Variants in GPATCH8 observed in about 807,000 individuals in gnomAD.
GPATCH8 encodes G-patch domain containing 8, also known as G patch domain-containing protein 8.
A neutral mutation model predicts 118.3 loss-of-function variants in GPATCH8; 18 were observed. The ratio of observed to expected loss-of-function variants is 0.15; its 90% CI spans 0.11 to 0.23. The LOEUF (loss-of-function observed/expected upper bound fraction) is 0.23. GPATCH8 is among the 10% of genes least tolerant of loss of function. The probability of loss-of-function intolerance (pLI) is 1.00; values close to 1 mark genes in which losing one functional copy is unlikely to be tolerated. For missense variants in GPATCH8, 1,631 were observed against 1,873.8 expected, an observed-to-expected ratio of 0.87 and a Z score of 2.39; for synonymous variants, 659 against 684.7, an observed-to-expected ratio of 0.96 and a Z score of 0.59.
At chr17:44,452,290 G>GAAAAAAAAAAAAA (rs781273009) in intron 3 of GPATCH8, among the ~76,000 whole-genome samples, 1 of 107,242 alleles carries the variant, frequency 9.3e-6, no homozygotes, top group Non-Finnish European at 2.0e-5. Flanking sequence ...AAAAAAAAAA[G>GAAAAAAAAAAAAA]AAAAAAAAAA....
intron 6 of GPATCH8, among the ~76,000 whole-genome samples, chr17:44,408,555 C>T (rs2049316538): frequency 6.6e-6 from 1 of 152,182 alleles, no homozygotes; most frequent in Non-Finnish European, 1.5e-5. Flanking sequence ...GCCATTTCCT[C>T]CCCTCTTACA....
chr17:44,441,517 A>G (rs2050687372), intron 3 of GPATCH8, among the ~76,000 whole-genome samples: 1 of 151,946 alleles, frequency 6.6e-6, no homozygotes, highest in African/African-American at 2.4e-5. Flanking sequence ...TGAGGTCAGG[A>G]GTTCGAGACC....
chr17:44,490,488 T>C (rs1969159909), intron 1 of GPATCH8, among the ~76,000 whole-genome samples: 1 of 152,046 alleles, frequency 6.6e-6, no homozygotes, highest in Admixed American at 6.6e-5. Context: ...AAAAATAAAA[T>C]TTAAATTTAA....
chr17:44,474,419 TA>T (rs1275086224), intron 2 of GPATCH8: 35 of 259,768 alleles, frequency 1.3e-4, no homozygotes, highest in Middle Eastern at 1.5e-3. Context: ...ATATAACATT[TA>T]AAAAAAAATT....
intron 3 of GPATCH8, chr17:44,436,786 T>A: frequency 1.8e-6 from 1 of 557,284 alleles, no homozygotes; most frequent in South Asian, 2.0e-5. Context: ...ATGGCAAAAT[T>A]ACATTAATAA....
In GPATCH8 at chr17:44,448,852, T is replaced by C. The variant is rs1210104969; in HGVS notation, c.194-12307A>G. On this transcript the variant is annotated intron_variant, in intron 3 of 7. Transcript: ENST00000591680. ...TTTGGATAAATTTAAAAAAAAAAAC[T>C]GTCCACCCTATTTACTATAATGAAG... is the stretch of plus-strand genomic sequence containing the variant. Among the ~76,000 whole-genome samples the C allele has an allele frequency of 4.0e-5, 6 of 151,624 alleles. No homozygotes were observed. In the East Asian group the frequency reaches 7.7e-4, roughly 20 times the overall value.
Position 44,400,028 on chromosome 17 carries a change from T to C in GPATCH8, c.2049A>G (p.Lys683=). 6.2e-7 allele frequency: 1 copy of C among 1,614,048 alleles called. No individual in the cohort carries two copies. Residue 683 remains lysine (K), a synonymous_variant, in exon 8 of 8, where the codon AAA becomes AAG. Coordinates refer to ENST00000591680, the MANE Select transcript of GPATCH8 (RefSeq NM_001002909.4). The part of the protein sequence containing the change: ...HRHKKKKKHK[K]SSKHKRKHKA... ...TGTGTTTACGTTTGTGTTTGCTGGA[T>C]TTTTTGTGCTTCTTTTTCTTTTTGT...
chr17:44,493,978 T>C (rs554731611), intron 1 of GPATCH8, among the ~76,000 whole-genome samples: 27 of 152,352 alleles, frequency 1.8e-4, no homozygotes, highest in African/African-American at 5.8e-4. Context: ...CTTTGTAACA[T>C]CCTGGTGCCT....
Position 44,398,771 on chromosome 17 carries a change from C to T in GPATCH8, c.3306G>A (p.Val1102=), listed in dbSNP as rs761227461. 5 of 1,613,750 alleles carry T rather than the reference C, an allele frequency of 3.1e-6. No homozygotes were observed. The highest frequency in any genetic ancestry group is 3.4e-6 in the Non-Finnish European group (4 of 1,179,788). ...CCTCACTCACACTAGGTTTCCTCTC[C>T]ACTTTCCTTGACTGGATCTTCTCCA... The part of the protein sequence containing the change: ...LLLEKIQSRK[V]ERKPSVSEEV... Residue 1102 remains valine (V), a synonymous_variant, in exon 8 of 8, where the codon GTG becomes GTA. Coordinates refer to ENST00000591680, the MANE Select transcript of GPATCH8 (RefSeq NM_001002909.4).
Position 44,400,488 on chromosome 17 carries a change from G to A in GPATCH8, c.1589C>T (p.Pro530Leu). The A allele has an allele frequency of 6.2e-7, 1 of 1,614,134 alleles. No individual in the cohort carries two copies. Among genetic ancestry groups the A allele is most frequent in the Non-Finnish European group, 8.5e-7 (1 of 1,179,974 alleles). ...GAAGAAGGGACCAGTAGGATGTTTGGGTCCTTCTTGGCTTTCTTTCCCTGC... is the reference window on the plus strand; with the variant it reads ...GAAGAAGGGACCAGTAGGATGTTTGAGTCCTTCTTGGCTTTCTTTCCCTGC... ...TPAGKESQEG[P>L]KHPTGPFFPV... Residue 530 changes from proline to leucine, a missense_variant, in exon 8 of 8, where the codon CCC becomes CTC. Around this residue, in one of 8 missense-constraint regions of GPATCH8, gnomAD observed 405 missense variants for 462.7 expected, o/e 0.88. Transcript: ENST00000591680.
At chr17:44,484,696 C>T (rs1454102757) in intron 1 of GPATCH8, among the ~76,000 whole-genome samples, 2 of 152,176 alleles carry the variant, frequency 1.3e-5, no homozygotes, top group Non-Finnish European at 2.9e-5. Context: ...TGTCATGTCA[C>T]TTTAGGCTTC....
intron 6 of GPATCH8, among the ~76,000 whole-genome samples, chr17:44,415,278 GT>G (rs1314235626): frequency 1.3e-5 from 2 of 152,158 alleles, no homozygotes; most frequent in Non-Finnish European, 2.9e-5. Flanking sequence ...AAATTTTGTG[GT>G]TTTGTAGATA....
rs991099319 is a variant in GPATCH8 at position 44,445,513 on chromosome 17, T to C, written c.194-8968A>G. 3.3e-5 allele frequency among the ~76,000 whole-genome samples: 5 copies of C among 151,692 alleles called. No homozygotes were observed. The South Asian group carries it at 1.0e-3, about 32-fold the overall frequency. ...GAGTATTTCTTTTTCTTTTTTTTTT[T>C]TCCCCCCCTAAGATGGAGTTTCACT... On this transcript the variant is annotated intron_variant, in intron 3 of 7. Transcript: ENST00000591680.
At chr17:44,470,039 A>G (rs1338968581) in intron 2 of GPATCH8, among the ~76,000 whole-genome samples, 1 of 152,260 alleles carries the variant, frequency 6.6e-6, no homozygotes. Flanking sequence ...TAAACCTATT[A>G]GGTCATCCTG....
At chr17:44,474,077 T>C (rs1967533522) in intron 2 of GPATCH8, among the ~76,000 whole-genome samples, 1 of 152,214 alleles carries the variant, frequency 6.6e-6, no homozygotes, top group East Asian at 1.9e-4. Flanking sequence ...GAAATCCTTA[T>C]TAAATATGTA....
chr17:44,443,692 A>G (rs2050778597), intron 3 of GPATCH8, among the ~76,000 whole-genome samples: 1 of 152,180 alleles, frequency 6.6e-6, no homozygotes, highest in Non-Finnish European at 1.5e-5. Context: ...ATTTTTTAAA[A>G]CAGGGTCTCA....
intron 1 of GPATCH8, among the ~76,000 whole-genome samples, chr17:44,477,688 G>A (rs924463565): frequency 1.3e-5 from 2 of 151,472 alleles, no homozygotes; most frequent in African/African-American, 2.4e-5. Context: ...GGGACAGGAG[G>A]AGTATGTTTT....
intron 1 of GPATCH8, among the ~76,000 whole-genome samples, chr17:44,479,475 AC>A (rs1968038961): frequency 6.6e-6 from 1 of 152,224 alleles, no homozygotes; most frequent in African/African-American, 2.4e-5. Flanking sequence ...CGGTGCTAGA[AC>A]TAGGTGTCCA....
At position 44,397,907 on chromosome 17, in the gene GPATCH8, GGCGGCAGCAGCT is replaced by G. The variant is rs772036285; in HGVS notation, c.4158_4169del (p.Ala1387_Ala1390del). ...GATGGGGGTGAGGGTGAATGCCGATGGCGGCAGCAGCTGCGGCAGCATGATGTTGTAGGATGG... is the reference window on the plus strand; with the variant it reads ...GATGGGGGTGAGGGTGAATGCCGATGGCGGCAGCATGATGTTGTAGGATGG... On this transcript the variant is annotated inframe_deletion, in exon 8 of 8. Coordinates refer to ENST00000591680, the MANE Select transcript of GPATCH8 (RefSeq NM_001002909.4). 55 of 1,611,942 alleles carry G rather than the reference GGCGGCAGCAGCT, an allele frequency of 3.4e-5. No individual in the cohort carries two copies. The highest frequency in any genetic ancestry group is 4.7e-5 in the Non-Finnish European group (55 of 1,178,244).
Sources: gnomAD v4.1 joint callset for allele counts (sites outside exome capture counted in the v4.1 genomes callset) on GRCh38, gnomAD v4.1.1 for gene constraint, gnomAD v4.1.1 regional missense constraint, MANE v1.5 for transcripts, NCBI Gene and HGNC (gene_info 2026-07-23, HGNC 2026-07-21) for gene names.